Variants in CDC25C observed in about 807,000 individuals in gnomAD.
The protein encoded by CDC25C is M-phase inducer phosphatase 3.
In CDC25C, 48 loss-of-function variants were observed where a neutral mutation model predicts 52.5. The observed-to-expected ratio is 0.91, with a 90% CI of 0.72 to 1.16. The LOEUF is 1.16. Ranked by LOEUF, CDC25C falls within the 50% of genes most tolerant of loss-of-function variation. The pLI is 0.00. For synonymous variants in CDC25C, 187 were observed against 206.5 expected (o/e 0.91, Z 0.81); for missense variants, 510 against 566.1 (o/e 0.90, Z 1.01).
chr5:138,304,987 C>T (rs1388477405), intron 7 of CDC25C, among the ~76,000 whole-genome samples: 5 of 152,208 alleles, frequency 3.3e-5, no homozygotes, highest in Admixed American at 2.0e-4. Context: ...GATCTACCTC[C>T]TGACTACTTA....
At chr5:138,313,704 T>G (rs543678136) in intron 7 of CDC25C, among the ~76,000 whole-genome samples, 5 of 152,106 alleles carry the variant, frequency 3.3e-5, no homozygotes, top group Middle Eastern at 6.3e-3. Flanking sequence ...CACTTTAAAC[T>G]TAGAGTCATT....
chr5:138,325,046 G>A (rs1580808780), intron 6 of CDC25C, among the ~76,000 whole-genome samples: 1 of 152,192 alleles, frequency 6.6e-6, no homozygotes, highest in East Asian at 1.9e-4. Flanking sequence ...CTCCAGCCTG[G>A]GCGATGGAGC....
exon 1 of CDC25C, chr5:138,338,260 G>C (rs1032938577): frequency 2.9e-6 from 3 of 1,040,342 alleles, no homozygotes; most frequent in Non-Finnish European, 3.9e-6. Context: ...GGCGAACCGA[G>C]CGCTCAGAGC....
chr5:138,322,466 ATTTTTTTTTTT>A (rs71585117), intron 6 of CDC25C, among the ~76,000 whole-genome samples: 1,263 of 67,932 alleles, frequency 0.019, 29 homozygotes, highest in African/African-American at 0.059. Context: ...CGCCCGGCTA[ATTTTTTTTTTT>A]TTTTTTTTTT....
At chr5:138,285,987 T>G (rs548099947) in intron 13 of CDC25C, 35 bp downstream of exon 13, 1 of 1,573,740 alleles carries the variant, frequency 6.4e-7, no homozygotes, top group African/African-American at 1.4e-5. Flanking sequence ...AGTTGAGTTG[T>G]TAAAGTTTGG....
chr5:138,328,630 C>A (rs1580821109), intron 3 of CDC25C, 101 bp from the exon 4 acceptor site: 1 of 959,218 alleles, frequency 1.0e-6, no homozygotes. Context: ...GTATTAATTT[C>A]AAGGACTGAG....
chr5:138,335,007 A>G (rs539294532), upstream of CDC25C: 5 of 152,350 alleles, frequency 3.3e-5, no homozygotes, highest in Admixed American at 2.6e-4. Context: ...ATCCCTATCT[A>G]GGCTCCTGAT....
Position 138,325,881 on chromosome 5 carries a change from C to G in CDC25C, c.393G>C (p.Pro131=). ...TTCTATGGCCACGGTCCAAACCATTCGGAGTGCTACAAAGAAGCTGTGCCT... is the reference window on the plus strand; with the variant it reads ...TTCTATGGCCACGGTCCAAACCATTGGGAGTGCTACAAAGAAGCTGTGCCT... ...CSPAQLLCST[P]NGLDRGHRKR... The change falls in exon 6 of 14, where the codon CCG becomes CCC. Residue 131 remains proline (P), a synonymous_variant. Coordinates refer to ENST00000323760, the MANE Select transcript of CDC25C (RefSeq NM_001790.5). 2 of 1,614,096 alleles carry G rather than the reference C, an allele frequency of 1.2e-6. No homozygotes were observed. Among genetic ancestry groups the G allele is most frequent in the Non-Finnish European group, 1.7e-6 (2 of 1,179,980 alleles).
At chr5:138,302,184 C>T (rs959825790) in intron 7 of CDC25C, among the ~76,000 whole-genome samples, 10 of 147,694 alleles carry the variant, frequency 6.8e-5, no homozygotes, top group Admixed American at 2.7e-4. Flanking sequence ...TTTGTAGAGA[C>T]GGGGGTTCCA....
At chr5:138,322,305 A>G (rs1759480410) in intron 6 of CDC25C, among the ~76,000 whole-genome samples, 1 of 125,616 alleles carries the variant, frequency 8.0e-6, no homozygotes, top group South Asian at 2.6e-4. Context: ...CCGGCCTATA[A>G]TTATTATTAT....
rs972579027 is a variant in CDC25C, at chr5:138,295,964, TTAAA to T, written c.616-3852_616-3849del. Reference sequence around the variant, plus strand: ...CTGCAGATTCTATTAAAAGGCTTAATTAAATAATTATTATTTTATAAACTGAATT... The same window carrying T: ...CTGCAGATTCTATTAAAAGGCTTAATTAATTATTATTTTATAAACTGAATT... On this transcript the variant is annotated intron_variant, in intron 7 of 13. Transcript: ENST00000323760. Among the ~76,000 whole-genome samples the T allele has an allele frequency of 1.5e-3, 223 of 152,328 alleles. 7 individuals are homozygous for T. The highest frequency in any genetic ancestry group is 9.1e-4 in the Admixed American group (14 of 15,306).
At chr5:138,336,135 GTT>G (rs11312274), upstream of CDC25C, among the ~76,000 whole-genome samples, 48 of 135,200 alleles carry the variant, frequency 3.6e-4, no homozygotes, top group East Asian at 8.8e-4. Flanking sequence ...TTGTTCATTT[GTT>G]TTTTTTTTTT....
upstream of CDC25C, chr5:138,331,922 T>G: frequency 1.0e-6 from 1 of 985,034 alleles, no homozygotes; most frequent in Non-Finnish European, 1.2e-6. Context: ...TCATGGCCTA[T>G]CGTTGGGCTC....
chr5:138,323,153 A>G (rs948158998), intron 6 of CDC25C, among the ~76,000 whole-genome samples: 1 of 151,916 alleles, frequency 6.6e-6, no homozygotes, highest in African/African-American at 2.4e-5. Context: ...GCTGGTCTCA[A>G]ATCCTGGCCT....
intron 7 of CDC25C, 71 bp from the exon 8 acceptor site, chr5:138,292,187 C>T: frequency 8.2e-6 from 10 of 1,216,092 alleles, no homozygotes; most frequent in Non-Finnish European, 1.1e-5. Flanking sequence ...GCAACAACAT[C>T]TCCTGGGAGC....
intron 1 of CDC25C, chr5:138,337,888 CG>C (rs1467592785): frequency 8.6e-7 from 1 of 1,168,634 alleles, no homozygotes; most frequent in Admixed American, 2.6e-5. Context: ...TGACGCGGCC[CG>C]AACCGAGTGG....
At chr5:138,324,227 C>T (rs540578515) in intron 6 of CDC25C, among the ~76,000 whole-genome samples, 3 of 150,824 alleles carry the variant, frequency 2.0e-5, no homozygotes, top group Admixed American at 6.6e-5. Context: ...GCTGAGACTG[C>T]GCCACTGCAC....
chr5:138,297,861 A>G (rs1198895452), intron 7 of CDC25C, among the ~76,000 whole-genome samples: 2 of 152,232 alleles, frequency 1.3e-5, no homozygotes, highest in African/African-American at 4.8e-5. Context: ...TATAAGACAT[A>G]TGCACAGAGA....
At chr5:138,288,873 A>G (rs1474676595) in intron 10 of CDC25C, among the ~76,000 whole-genome samples, 1 of 152,224 alleles carries the variant, frequency 6.6e-6, no homozygotes, top group Non-Finnish European at 1.5e-5. Context: ...TGTAAAATGT[A>G]AACGAGGGTG....
Sources: gnomAD v4.1 joint callset for allele counts (sites outside exome capture counted in the v4.1 genomes callset) on GRCh38, gnomAD v4.1.1 for gene constraint, MANE v1.5 for transcripts, NCBI Gene and HGNC (gene_info 2026-07-23, HGNC 2026-07-21) for gene names.